Variants in CSE1L observed in about 807,000 individuals in gnomAD.
The protein encoded by CSE1L is exportin-2.
A neutral mutation model predicts 120.4 loss-of-function variants in CSE1L; 24 were observed. The ratio of observed to expected loss-of-function variants is 0.20; its 90% CI spans 0.14 to 0.28. The LOEUF is 0.28. Ranked by LOEUF, CSE1L falls within the 10% of genes least tolerant of loss-of-function variation. The pLI is 1.00. For synonymous variants in CSE1L, 402 were observed against 398.3 expected, an observed-to-expected ratio of 1.01 and a Z score of -0.11; for missense variants, 830 against 1,145.2, an observed-to-expected ratio of 0.72 and a Z score of 3.97.
chr20:49,070,179 G>A (rs777631167), intron 7 of CSE1L, 26 bp from the exon 8 acceptor site: 9 of 1,094,174 alleles, frequency 8.2e-6, no homozygotes, highest in Non-Finnish European at 1.2e-5. Context: ...TTAATCAAAA[G>A]TTTCAAGTCA....
Position 49,089,588 on chromosome 20 carries a change from A to T in CSE1L, c.2023A>T (p.Lys675Ter). 1 of 1,614,166 alleles carries T rather than the reference A, an allele frequency of 6.2e-7. No individual in the cohort carries two copies. The highest frequency in any genetic ancestry group is 8.5e-7 in the Non-Finnish European group (1 of 1,180,026). Reference sequence around the variant, plus strand: ...GATGTCTTTGCTTCTGGAAACACACAAAAATGACATCCCGTCTTCCTATAT... The same window carrying T: ...GATGTCTTTGCTTCTGGAAACACACTAAAATGACATCCCGTCTTCCTATAT... ...QVMSLLLETH[K>*]NDIPSSYMAL... The change falls in exon 19 of 25, where the codon AAA (lysine) becomes TAA (stop). Residue 675 changes from lysine (K) to a stop codon, truncating the protein, a stop_gained. Transcript: ENST00000262982. LOFTEE classifies it high-confidence loss of function.
At chr20:49,063,152 A>C (rs764135974) in intron 2 of CSE1L, 50 bp from the exon 3 acceptor site, 1 of 1,173,780 alleles carries the variant, frequency 8.5e-7, no homozygotes, top group Middle Eastern at 2.9e-4. Flanking sequence ...GATATATATA[A>C]GGTGGAAAGA....
chr20:49,074,652 T>G, intron 10 of CSE1L, 133 bp from the exon 11 acceptor site: 2 of 592,654 alleles, frequency 3.4e-6, no homozygotes, highest in South Asian at 4.5e-5. Context: ...TAAGAGTATA[T>G]GAAGTAGTCA....
In CSE1L at chr20:49,085,265, CT is replaced by C. The variant is rs2092046390; in HGVS notation, c.1620-17del. 1.6e-5 allele frequency: 26 copies of C among 1,600,856 alleles called. No individual in the cohort carries two copies. Among genetic ancestry groups the C allele is most frequent in the Non-Finnish European group, 2.2e-5 (26 of 1,168,254 alleles). Reference sequence around the variant, plus strand: ...CTCAAGAGTTGGTAGTGACTGAAAGCTGTTTTTTCATCTATAGCTTTACAGC... The same window carrying C: ...CTCAAGAGTTGGTAGTGACTGAAAGCGTTTTTTCATCTATAGCTTTACAGC... On this transcript the variant is annotated splice_polypyrimidine_tract_variant and intron_variant, in intron 15 of 24. Coordinates refer to ENST00000262982, the MANE Select transcript of CSE1L (RefSeq NM_001316.4).
intron 24 of CSE1L, among the ~76,000 whole-genome samples, chr20:49,095,564 C>T (rs1275225446): frequency 6.6e-6 from 1 of 152,092 alleles, no homozygotes; most frequent in East Asian, 1.9e-4. Flanking sequence ...ATCCTCCTCC[C>T]TCAGCCTCCC....
intron 1 of CSE1L, among the ~76,000 whole-genome samples, chr20:49,054,888 C>T (rs901744392): frequency 6.6e-6 from 1 of 152,230 alleles, no homozygotes; most frequent in Admixed American, 6.5e-5. Flanking sequence ...TTGGCAGATG[C>T]GCCCTCATCC....
In CSE1L at chr20:49,096,421, A is replaced by G; in HGVS notation, c.2899A>G (p.Ser967Gly). ...TCTCCAAGGGTACCTTCAGGCAGCC[A>G]GTGTGACACTGCTTTAAACTGCATT... ...QYLQGYLQAA[S>G]VTLL The change falls in exon 25 of 25, where the codon AGT (serine) becomes GGT (glycine). Residue 967 changes from serine (S) to glycine (G), a missense_variant. This residue lies in a region of CSE1L where 112 missense variants were observed against 200.0 expected (regional missense o/e 0.56). Coordinates refer to ENST00000262982, the MANE Select transcript of CSE1L (RefSeq NM_001316.4). The G allele has an allele frequency of 6.2e-7, 1 of 1,613,992 alleles. No homozygotes were observed. Among genetic ancestry groups the G allele is most frequent in the Non-Finnish European group, 8.5e-7 (1 of 1,179,824 alleles).
At chr20:49,052,943 G>A (rs563721788) in intron 1 of CSE1L, among the ~76,000 whole-genome samples, 10 of 152,248 alleles carry the variant, frequency 6.6e-5, no homozygotes, top group African/African-American at 2.4e-4. Context: ...TTTTAGTTGA[G>A]AAATATACAA....
intron 1 of CSE1L, among the ~76,000 whole-genome samples, chr20:49,057,444 G>A (rs143444931): frequency 2.8e-4 from 38 of 135,186 alleles, no homozygotes; most frequent in African/African-American, 9.4e-4. Context: ...TTAATTTCTC[G>A]TTGTGGGGCC....
In CSE1L at chr20:49,067,928, CTTTTTTTT is replaced by C. The variant is rs10567768; in HGVS notation, c.567+666_567+673del. Among the ~76,000 whole-genome samples the C allele has an allele frequency of 8.9e-4, 70 of 78,504 alleles. No individual in the cohort carries two copies. In the East Asian group the frequency reaches 0.011, roughly 12 times the overall value. The allele number at this position is 78,504 out of a possible 152,430, so 51.5% of individuals were successfully genotyped here. A position where few individuals can be genotyped will look rare whatever the true frequency, so the allele number is the denominator to read the frequency against. On this transcript the variant is annotated intron_variant, in intron 6 of 24. Transcript: ENST00000262982. The stretch of plus-strand genomic sequence containing the variant: ...TTTTTCTCTTTTTTTTTCCCTCTCT[CTTTTTTTT>C]TTTTTTTTTTTTTTTTTGAGATGGA...
chr20:49,076,371 A>T (rs1435654552), intron 12 of CSE1L, among the ~76,000 whole-genome samples: 7 of 151,134 alleles, frequency 4.6e-5, no homozygotes, highest in Non-Finnish European at 8.8e-5. Context: ...TTTGTAGTAG[A>T]GATGGGGTTT....
Position 49,058,446 on chromosome 20 carries a change from A to G in CSE1L, c.-11-7A>G, listed in dbSNP as rs1199292546. ...ACCAGTTATCCAAACCTTATTTTAT[A>G]TTTTAGATCCTATAGCAATGGAACT... On this transcript the variant is annotated splice_polypyrimidine_tract_variant and splice_region_variant and intron_variant, in intron 1 of 24. Coordinates refer to ENST00000262982, the MANE Select transcript of CSE1L (RefSeq NM_001316.4). 1.9e-6 allele frequency: 3 copies of G among 1,584,978 alleles called. No individual in the cohort carries two copies. Among genetic ancestry groups the G allele is most frequent in the Admixed American group, 1.8e-5 (1 of 55,882 alleles).
At chr20:49,054,648 G>T (rs918173812) in intron 1 of CSE1L, among the ~76,000 whole-genome samples, 2 of 152,142 alleles carry the variant, frequency 1.3e-5, no homozygotes, top group Admixed American at 1.3e-4. Context: ...TCGTGTGCCT[G>T]GTTCATACAT....
intron 8 of CSE1L, among the ~76,000 whole-genome samples, chr20:49,071,100 C>T (rs541486524): frequency 4.6e-5 from 7 of 151,936 alleles, no homozygotes; most frequent in Non-Finnish European, 8.8e-5. Flanking sequence ...ACCTTCTTTC[C>T]GAAGAGACAA....
At chr20:49,081,281 C>G (rs149478381) in intron 14 of CSE1L, among the ~76,000 whole-genome samples, 5 of 151,896 alleles carry the variant, frequency 3.3e-5, no homozygotes, top group Non-Finnish European at 7.4e-5. Flanking sequence ...CTACCACGCC[C>G]GGCCCATTTC....
chr20:49,076,714 A>G (rs1374885519), intron 12 of CSE1L, among the ~76,000 whole-genome samples: 1 of 151,178 alleles, frequency 6.6e-6, no homozygotes, highest in Non-Finnish European at 1.5e-5. Context: ...TGTTTTTAGT[A>G]GAGACGGGGT....
chr20:49,067,484 G>A (rs1358039393), intron 6 of CSE1L, among the ~76,000 whole-genome samples: 2 of 152,068 alleles, frequency 1.3e-5, no homozygotes, highest in East Asian at 1.9e-4. Context: ...GGTTAGCAAC[G>A]TTTTATTTTC....
chr20:49,072,465 G>T lies in CSE1L; in HGVS notation c.936+12G>T, dbSNP rs767928830. The T allele has an allele frequency of 6.2e-7, 1 of 1,611,550 alleles. No homozygotes were observed. The highest frequency in any genetic ancestry group is 8.5e-7 in the Non-Finnish European group (1 of 1,177,950). On this transcript the variant is annotated intron_variant, in intron 9 of 24. Coordinates refer to ENST00000262982, the MANE Select transcript of CSE1L (RefSeq NM_001316.4). Reference sequence around the variant, plus strand: ...TTAAATATGATTTGGTAAGATGATGGTGGAGACAAATAATTAAAAGACATT... The same window carrying T: ...TTAAATATGATTTGGTAAGATGATGTTGGAGACAAATAATTAAAAGACATT...
At chr20:49,092,631 A>G (rs2092110219) in intron 22 of CSE1L, among the ~76,000 whole-genome samples, 1 of 151,754 alleles carries the variant, frequency 6.6e-6, no homozygotes, top group Admixed American at 6.6e-5. Context: ...GGCGGGGAAC[A>G]TCACACTCTG....
Sources: gnomAD v4.1 joint callset for allele counts (sites outside exome capture counted in the v4.1 genomes callset) on GRCh38, gnomAD v4.1.1 for gene constraint, gnomAD v4.1.1 regional missense constraint, MANE v1.5 for transcripts, NCBI Gene and HGNC (gene_info 2026-07-23, HGNC 2026-07-21) for gene names.